The following FRMD4B variants were observed in gnomAD, a reference collection of about 807,000 sequenced individuals.
FRMD4B encodes FERM domain containing 4B, also known as FERM domain-containing protein 4B.
A neutral mutation model predicts 141.5 loss-of-function variants in FRMD4B; 74 were observed. That is an observed-to-expected ratio of 0.52 (90% CI 0.43 to 0.63). The LOEUF is 0.63. FRMD4B is among the 30% of genes least tolerant of loss of function. FRMD4B has a pLI of 0.00. For missense variants in FRMD4B, 1,366 were observed against 1,253.4 expected (o/e 1.09, Z -1.36); for synonymous variants, 506 against 467.9 (o/e 1.08, Z -1.05).
At chr3:69,462,820 T>C (rs1705726531) in intron 1 of FRMD4B, among the ~76,000 whole-genome samples, 1 of 152,226 alleles carries the variant, frequency 6.6e-6, no homozygotes, top group Non-Finnish European at 1.5e-5. Context: ...AAATGACCAA[T>C]GAACTCTTCT....
At chr3:69,503,309 G>C (rs1452649789) in intron 1 of FRMD4B, among the ~76,000 whole-genome samples, 9 of 152,170 alleles carry the variant, frequency 5.9e-5, no homozygotes, top group South Asian at 2.1e-4. Flanking sequence ...TGATAGACTG[G>C]ATTAAGAAAA....
chr3:69,509,537 A>G (rs1706655903), intron 1 of FRMD4B, among the ~76,000 whole-genome samples: 1 of 152,134 alleles, frequency 6.6e-6, no homozygotes, highest in South Asian at 2.1e-4. Flanking sequence ...ACCTCTAAAG[A>G]AGCATTTGAT....
intron 18 of FRMD4B, among the ~76,000 whole-genome samples, chr3:69,189,038 A>C (rs1190867828): frequency 6.6e-6 from 1 of 151,910 alleles, no homozygotes; most frequent in Admixed American, 6.6e-5. Context: ...CCTGACCAAC[A>C]TGGTGAAACC....
chr3:69,236,992 A>T (rs934267249), intron 7 of FRMD4B, among the ~76,000 whole-genome samples: 1 of 152,214 alleles, frequency 6.6e-6, no homozygotes, highest in Non-Finnish European at 1.5e-5. Flanking sequence ...CTAAACTTAA[A>T]AGAGAGCAGC....
At chr3:69,406,083 C>G (rs72939735) in intron 2 of FRMD4B, among the ~76,000 whole-genome samples, 14,936 of 152,154 alleles carry the variant, frequency 0.098, 2,236 homozygotes, top group African/African-American at 0.33. Flanking sequence ...CCATGAATCT[C>G]AAAGCTTAAA....
intron 1 of FRMD4B, among the ~76,000 whole-genome samples, chr3:69,456,475 A>T (rs1426967931): frequency 6.6e-6 from 1 of 152,012 alleles, no homozygotes; most frequent in East Asian, 1.9e-4. Context: ...TAAGGAAATT[A>T]AATGCCCGTA....
At chr3:69,344,237 C>G (rs1702850903) in intron 1 of FRMD4B, among the ~76,000 whole-genome samples, 1 of 152,146 alleles carries the variant, frequency 6.6e-6, no homozygotes, top group East Asian at 1.9e-4. Context: ...TGTCCCTATC[C>G]ATATACTGCC....
intron 11 of FRMD4B, among the ~76,000 whole-genome samples, chr3:69,211,029 A>T (rs1031661048): frequency 2.0e-5 from 3 of 151,062 alleles, no homozygotes; most frequent in Non-Finnish European, 4.4e-5. Flanking sequence ...TCTCGAAAAA[A>T]AAAAAAAAAA....
At chr3:69,343,096 G>C (rs957054127) in intron 1 of FRMD4B, among the ~76,000 whole-genome samples, 45 of 114,260 alleles carry the variant, frequency 3.9e-4, no homozygotes, top group African/African-American at 1.2e-3. Flanking sequence ...TGGGACTGCA[G>C]AGGCACACCA....
At chr3:69,250,227 TG>T in intron 5 of FRMD4B, 128 bp from the exon 6 acceptor site, 2 of 750,510 alleles carry the variant, frequency 2.7e-6, no homozygotes, top group Middle Eastern at 4.8e-4. Context: ...ATCATACCAT[TG>T]CAGGGGAAAG....
chr3:69,394,772 C>T (rs1704446883), intron 2 of FRMD4B, among the ~76,000 whole-genome samples: 2 of 152,106 alleles, frequency 1.3e-5, no homozygotes, highest in South Asian at 2.1e-4. Context: ...AACCCAAATG[C>T]CCATCAGTGA....
intron 7 of FRMD4B, among the ~76,000 whole-genome samples, chr3:69,226,996 C>T (rs1384156114): frequency 6.6e-6 from 1 of 152,140 alleles, no homozygotes; most frequent in African/African-American, 2.4e-5. Context: ...TAAACTCAAG[C>T]AATCTTTATA....
chr3:69,414,244 G>A (rs1051129960), intron 2 of FRMD4B, among the ~76,000 whole-genome samples: 2 of 152,032 alleles, frequency 1.3e-5, no homozygotes, highest in African/African-American at 4.8e-5. Context: ...ACCTCAAACA[G>A]GAAATAATCA....
At chr3:69,349,586 A>G (rs545716074) in intron 1 of FRMD4B, among the ~76,000 whole-genome samples, 1 of 152,198 alleles carries the variant, frequency 6.6e-6, no homozygotes, top group Non-Finnish European at 1.5e-5. Context: ...CTACAAGGCT[A>G]CAGTAACCAA....
chr3:69,180,288 G>C (rs980354629), intron 21 of FRMD4B, among the ~76,000 whole-genome samples: 1 of 146,410 alleles, frequency 6.8e-6, no homozygotes, highest in Non-Finnish European at 1.5e-5. Context: ...ACTTAGAACA[G>C]TGCTTAATCA....
At chr3:69,475,934 A>G (rs977438992) in intron 1 of FRMD4B, among the ~76,000 whole-genome samples, 36 of 151,598 alleles carry the variant, frequency 2.4e-4, no homozygotes, top group African/African-American at 7.3e-4. Context: ...TGTGGTTTTG[A>G]TTTGCATTTC....
chr3:69,202,687 G>C (rs891193003), intron 11 of FRMD4B, among the ~76,000 whole-genome samples: 1 of 152,102 alleles, frequency 6.6e-6, no homozygotes, highest in East Asian at 1.9e-4. Flanking sequence ...TGATGAAAGG[G>C]AAATAGTTGT....
intron 1 of FRMD4B, among the ~76,000 whole-genome samples, chr3:69,444,426 T>G (rs552568935): frequency 6.6e-6 from 1 of 152,282 alleles, no homozygotes; most frequent in Non-Finnish European, 1.5e-5. Context: ...AACTGACTGC[T>G]TAGTGTGGAA....
intron 2 of FRMD4B, among the ~76,000 whole-genome samples, chr3:69,429,195 T>G (rs1705136784): frequency 6.6e-6 from 1 of 152,190 alleles, no homozygotes; most frequent in Non-Finnish European, 1.5e-5. Flanking sequence ...AATTTTGCTA[T>G]TATAACAATG....
Sources: gnomAD v4.1 joint callset for allele counts (sites outside exome capture counted in the v4.1 genomes callset) on GRCh38, gnomAD v4.1.1 for gene constraint, MANE v1.5 for transcripts, NCBI Gene and HGNC (gene_info 2026-07-23, HGNC 2026-07-21) for gene names.